CPAP: variants seen among roughly 807,000 people sequenced by gnomAD.
The protein encoded by CPAP is centrosome assembly and centriole elongation protein.
the CPAP span, among the ~76,000 whole-genome samples, chr13:24,932,653 T>C: frequency 6.6e-6 from 1 of 152,266 alleles, no homozygotes; most frequent in Non-Finnish European, 1.5e-5. Flanking sequence ...AAACCCATGT[T>C]TCACTATCAC....
chr13:24,899,618 G>T, the CPAP span: 83 of 1,569,086 alleles, frequency 5.3e-5, no homozygotes, highest in Non-Finnish European at 6.1e-5. Flanking sequence ...CACCTAAGGA[G>T]ACCATCTCAG....
chr13:24,928,681 C>T, the CPAP span, among the ~76,000 whole-genome samples: 104 of 152,282 alleles, frequency 6.8e-4, no homozygotes, highest in Non-Finnish European at 1.2e-3. Flanking sequence ...CTGCCCACCT[C>T]GGCCTCCCAA....
At chr13:24,884,534 C>T in the CPAP span, 1 of 1,483,512 alleles carries the variant, frequency 6.7e-7, no homozygotes, top group Non-Finnish European at 9.4e-7. Flanking sequence ...CTCCTCCCAA[C>T]TGCCTACTTT....
At chr13:24,906,811 G>C in the CPAP span, 6 of 1,614,070 alleles carry the variant, frequency 3.7e-6, no homozygotes, top group Admixed American at 1.0e-4. Context: ...ACAGCGGCTG[G>C]TCCTCGGAAG....
At chr13:24,924,379 G>T in the CPAP span, among the ~76,000 whole-genome samples, 5 of 152,052 alleles carry the variant, frequency 3.3e-5, no homozygotes, top group South Asian at 4.2e-4. Flanking sequence ...TTTTAATATA[G>T]TATGTAGTGC....
chr13:24,894,619 CAGAT>C, the CPAP span, among the ~76,000 whole-genome samples: 2 of 152,314 alleles, frequency 1.3e-5, no homozygotes, highest in South Asian at 4.1e-4. Flanking sequence ...AAGGAAAAAA[CAGAT>C]AGGGCTGTGG....
chr13:24,906,402 T>C, the CPAP span: 5 of 1,612,988 alleles, frequency 3.1e-6, no homozygotes, highest in Non-Finnish European at 4.2e-6. Context: ...GACTCTTTCA[T>C]GGTCTCCCTT....
the CPAP span, chr13:24,884,480 A>AGAT: frequency 1.9e-6 from 3 of 1,613,608 alleles, no homozygotes; most frequent in South Asian, 3.3e-5. Context: ...AACCAACACA[A>AGAT]GATTATCACC....
At chr13:24,909,124 C>G in the CPAP span, among the ~76,000 whole-genome samples, 3 of 152,110 alleles carry the variant, frequency 2.0e-5, no homozygotes, top group Admixed American at 2.0e-4. Flanking sequence ...TTCAACTTTT[C>G]TAGATGTTTG....
chr13:24,908,009 G>A, the CPAP span: 57 of 1,562,928 alleles, frequency 3.6e-5, no homozygotes, highest in African/African-American at 2.6e-4. Context: ...CTTTCAACAC[G>A]AACAATACCT....
the CPAP span, among the ~76,000 whole-genome samples, chr13:24,917,350 GACTGAAGA>G: frequency 6.6e-6 from 1 of 152,168 alleles, no homozygotes; most frequent in Non-Finnish European, 1.5e-5. Context: ...TGGCTAATGT[GACTGAAGA>G]ACTGAATTTT....
the CPAP span, chr13:24,922,987 C>CG: frequency 2.6e-5 from 4 of 152,336 alleles, no homozygotes; most frequent in East Asian, 1.9e-4. Context: ...CGTTGCCCGG[C>CG]GGGGGATGGA....
chr13:24,908,603 T>TAAAAC, the CPAP span, among the ~76,000 whole-genome samples: 3 of 85,832 alleles, frequency 3.5e-5, no homozygotes, highest in African/African-American at 1.3e-4. Flanking sequence ...AAAAATAAAA[T>TAAAAC]AAAATAAAAT....
At chr13:24,883,560 A>ATTGTT in the CPAP span, among the ~76,000 whole-genome samples, 1 of 152,184 alleles carries the variant, frequency 6.6e-6, no homozygotes, top group African/African-American at 2.4e-5. Context: ...TCAGATTAGC[A>ATTGTT]TTGTTTTAAT....
the CPAP span, chr13:24,885,663 T>C: frequency 1.2e-6 from 2 of 1,611,628 alleles, no homozygotes; most frequent in Non-Finnish European, 1.7e-6. Context: ...ATCTTCGAGG[T>C]GGATTGCCTA....
the CPAP span, chr13:24,905,431 G>T: frequency 1.2e-6 from 2 of 1,614,208 alleles, no homozygotes; most frequent in Middle Eastern, 3.3e-4. Context: ...AAGAAGGAAA[G>T]AATTTCATCA....
chr13:24,905,573 G>A, the CPAP span: 32 of 1,613,966 alleles, frequency 2.0e-5, no homozygotes, highest in Admixed American at 2.3e-4. Flanking sequence ...GCATGTCTGC[G>A]GCGTCCCATA....
At chr13:24,913,239 C>A in the CPAP span, 1 of 562,396 alleles carries the variant, frequency 1.8e-6, no homozygotes, top group Non-Finnish European at 3.1e-6. Context: ...GGGCATTGAG[C>A]TACATTTTTC....
chr13:24,891,473 C>G, the CPAP span, among the ~76,000 whole-genome samples: 1 of 152,158 alleles, frequency 6.6e-6, no homozygotes, highest in African/African-American at 2.4e-5. Flanking sequence ...TCCCTTCTTG[C>G]GGTTGCTCCT....
Sources: gnomAD v4.1 joint callset for allele counts (sites outside exome capture counted in the v4.1 genomes callset) on GRCh38, gnomAD v4.1.1 for gene constraint, MANE v1.5 for transcripts, NCBI Gene and HGNC (gene_info 2026-07-23, HGNC 2026-07-21) for gene names.